AMPD1: variants seen among roughly 807,000 people sequenced by gnomAD.
AMPD1 encodes AMP deaminase 1.
Under a neutral mutation model 82.9 loss-of-function variants are expected in AMPD1, and 74 were observed. The observed-to-expected ratio is 0.89, with a 90% CI of 0.74 to 1.08. AMPD1 has a LOEUF of 1.08. Ranked by LOEUF, AMPD1 falls within the 50% of genes least tolerant of loss-of-function variation. The pLI is 0.00. For missense variants in AMPD1, 881 were observed against 924.5 expected, an observed-to-expected ratio of 0.95 and a Z score of 0.61; for synonymous variants, 333 against 320.5, an observed-to-expected ratio of 1.04 and a Z score of -0.42.
At chr1:114,678,275 G>GA in intron 8 of AMPD1, 58 bp downstream of exon 8, 2 of 1,585,612 alleles carry the variant, frequency 1.3e-6, no homozygotes, top group Non-Finnish European at 1.7e-6. Context: ...GCTTGTAGGA[G>GA]AAAGACATGT....
chr1:114,674,065 G>C lies in AMPD1; in HGVS notation c.1818C>G (p.Tyr606Ter), dbSNP rs1212118667. Residue 606 changes from tyrosine to a stop codon, truncating the protein, a stop_gained, in exon 14 of 16, where the codon TAC becomes TAG. Transcript: ENST00000520113. LOFTEE classifies it high-confidence loss of function. Reference sequence around the variant, plus strand: ...TGGGAATTTGGGCTAAGAAAAACAAGTACTGTAGCACGGGACTCTGAAAAA... The same window carrying C: ...TGGGAATTTGGGCTAAGAAAAACAACTACTGTAGCACGGGACTCTGAAAAA... ...LNLKKSPVLQ[Y>*]LFFLAQIPIA... 1 of 1,613,680 alleles carries C rather than the reference G, an allele frequency of 6.2e-7. No homozygotes were observed. Among genetic ancestry groups the C allele is most frequent in the African/African-American group, 1.3e-5 (1 of 74,894 alleles).
chr1:114,684,270 G>A lies in AMPD1; in HGVS notation c.476C>T (p.Pro159Leu). ...CCGCAAGTATTTGGAAGGGGTTTTA[G>A]GGAACCTCTGAAACGACTTCTGCAT... Reference protein sequence around the residue: ...KYMQKSFQRFPKTPSKYLRNI... With the variant: ...KYMQKSFQRFLKTPSKYLRNI... Residue 159 changes from proline (P) to leucine (L), a missense_variant, in exon 5 of 16, where the codon CCT (proline) becomes CTT (leucine). Pro to Leu is a moderately conservative substitution (Grantham distance 98). This residue lies in a region of AMPD1 where 783 missense variants were observed against 786.4 expected (regional missense o/e 1.00). Coordinates refer to ENST00000520113, the MANE Select transcript of AMPD1 (RefSeq NM_000036.3). The A allele has an allele frequency of 1.2e-6, 2 of 1,614,100 alleles. No individual in the cohort carries two copies. Among genetic ancestry groups the A allele is most frequent in the Non-Finnish European group, 8.5e-7 (1 of 1,180,028 alleles).
At chr1:114,673,352 T>C in intron 15 of AMPD1, 80 bp from the exon 16 acceptor site, 1 of 1,537,394 alleles carries the variant, frequency 6.5e-7, no homozygotes, top group Non-Finnish European at 9.0e-7. Context: ...TTTACAAAAA[T>C]TCCTTCCTTA....
chr1:114,678,208 G>T, intron 8 of AMPD1, 125 bp downstream of exon 8: 1 of 1,454,750 alleles, frequency 6.9e-7, no homozygotes, highest in Non-Finnish European at 9.6e-7. Context: ...AATTGTCTGT[G>T]GTGCTTTCAG....
At chr1:114,673,784 G>A in intron 14 of AMPD1, 35 bp from the exon 15 acceptor site, 1 of 1,578,302 alleles carries the variant, frequency 6.3e-7, no homozygotes, top group Non-Finnish European at 8.7e-7. Context: ...AAAGAGGAGT[G>A]AATTAATAAA....
intron 2 of AMPD1, among the ~76,000 whole-genome samples, chr1:114,691,482 C>T (rs541759929): frequency 2.0e-5 from 3 of 151,832 alleles, no homozygotes; most frequent in African/African-American, 4.8e-5. Context: ...GTGGGAGGAT[C>T]GTTTGAGCCC....
At chr1:114,688,306 T>A (rs1000669363) in intron 3 of AMPD1, among the ~76,000 whole-genome samples, 1 of 152,146 alleles carries the variant, frequency 6.6e-6, no homozygotes, top group East Asian at 1.9e-4. Flanking sequence ...TTTTGTATTT[T>A]TAGTAGAGAC....
At chr1:114,688,873 A>T in intron 2 of AMPD1, 132 bp from the exon 3 acceptor site, 1 of 997,294 alleles carries the variant, frequency 1.0e-6, no homozygotes, top group East Asian at 2.4e-5. Flanking sequence ...CCAGGGTCCA[A>T]CACAGAGCTC....
rs1160970461 is a variant in AMPD1, at chr1:114,675,593, G to C, written c.1616C>G (p.Pro539Arg). Residue 539 changes from proline (P) to arginine (R), a missense_variant, in exon 12 of 16, where the codon CCA becomes CGA. By Grantham distance (103) the Pro-to-Arg change is moderately radical. Transcript: ENST00000520113. ...GTAGTAGGCATAGTAAGTGTAAGAT[G>C]GATTCTTTTCCAATGTCCACTCCTG... Reference protein sequence around the residue: ...KPQEWTLEKNPSYTYYAYYMY... With the variant: ...KPQEWTLEKNRSYTYYAYYMY... 1 of 1,614,070 alleles carries C rather than the reference G, an allele frequency of 6.2e-7. No individual in the cohort carries two copies. The highest frequency in any genetic ancestry group is 1.3e-5 in the African/African-American group (1 of 74,924).
chr1:114,674,778 TATC>T lies in AMPD1; in HGVS notation c.1771_1773del (p.Asp591del). 1 of 1,613,356 alleles carries T rather than the reference TATC, an allele frequency of 6.2e-7. No homozygotes were observed. The highest frequency in any genetic ancestry group is 2.2e-5 in the East Asian group (1 of 44,886). ...TTTTTTAAATTTAGGCCATGAGAGA[TATC>T]ATCTGCTATCATGAATGCTGTCATG... On this transcript the variant is annotated inframe_deletion, in exon 13 of 16. Transcript: ENST00000520113.
Position 114,693,446 on chromosome 1 carries a change from A to T in AMPD1, c.24T>A (p.Ala8=). 1 of 1,609,148 alleles carries T rather than the reference A, an allele frequency of 6.2e-7. No homozygotes were observed. Among genetic ancestry groups the T allele is most frequent in the Non-Finnish European group, 8.5e-7 (1 of 1,175,838 alleles). Residue 8 remains alanine, a splice_region_variant and synonymous_variant, in exon 2 of 16, where the codon GCT becomes GCA. Transcript: ENST00000520113. MPLFKLP[A]EEKQIDDAMR... ...TAATGCAATACTCACGTTTCTCTTC[A>T]GCTGTATGAAGTAAAATAAAACAAG... is the stretch of plus-strand genomic sequence containing the variant.
At chr1:114,680,195 T>G in intron 6 of AMPD1, 64 bp downstream of exon 6, 1 of 1,343,606 alleles carries the variant, frequency 7.4e-7, no homozygotes, top group Non-Finnish European at 1.1e-6. Flanking sequence ...GTAGAAGTAG[T>G]ACTAGTTGTT....
intron 5 of AMPD1, among the ~76,000 whole-genome samples, chr1:114,681,069 A>T (rs1658144423): frequency 6.6e-6 from 1 of 152,256 alleles, no homozygotes; most frequent in Non-Finnish European, 1.5e-5. Context: ...ACTACTTACA[A>T]ACAATCTTCA....
In AMPD1 at chr1:114,688,742, C is replaced by A; in HGVS notation, c.35-1G>T. The A allele has an allele frequency of 6.2e-7, 1 of 1,614,232 alleles. No individual in the cohort carries two copies. The highest frequency in any genetic ancestry group is 1.1e-5 in the South Asian group (1 of 91,090). Reference sequence around the variant, plus strand: ...AAGTTGCGCATTGCATCATCAATTTCTAAAAGAGGTTTTCACATATTAGTG... The same window carrying A: ...AAGTTGCGCATTGCATCATCAATTTATAAAAGAGGTTTTCACATATTAGTG... On this transcript the variant is annotated splice_acceptor_variant, in intron 2 of 15. Coordinates refer to ENST00000520113, the MANE Select transcript of AMPD1 (RefSeq NM_000036.3). LOFTEE classifies it high-confidence loss of function.
At position 114,682,642 on chromosome 1, in the gene AMPD1, G is replaced by C. The variant is rs533427591; in HGVS notation, c.547+1557C>G. Among the ~76,000 whole-genome samples the C allele has an allele frequency of 3.5e-3, 530 of 150,952 alleles. 2 individuals carry two copies. The highest frequency in any genetic ancestry group is 5.7e-3 in the Non-Finnish European group (387 of 67,820). Reference sequence around the variant, plus strand: ...CGCCCAGGCTGGAGTGCAGTGGCGCGATCTCAGCTCACTGCAAGCTCCGCC... The same window carrying C: ...CGCCCAGGCTGGAGTGCAGTGGCGCCATCTCAGCTCACTGCAAGCTCCGCC... On this transcript the variant is annotated intron_variant, in intron 5 of 15. Coordinates refer to ENST00000520113, the MANE Select transcript of AMPD1 (RefSeq NM_000036.3).
At chr1:114,682,655 T>C (rs999724811) in intron 5 of AMPD1, among the ~76,000 whole-genome samples, 6 of 151,702 alleles carry the variant, frequency 4.0e-5, no homozygotes, top group Non-Finnish European at 5.9e-5. Flanking sequence ...CTCAGCTCAC[T>C]GCAAGCTCCG....
At chr1:114,681,441 G>T (rs943256662) in intron 5 of AMPD1, among the ~76,000 whole-genome samples, 3 of 151,618 alleles carry the variant, frequency 2.0e-5, no homozygotes, top group African/African-American at 7.3e-5. Context: ...CTAAAAATAC[G>T]AAAATTAGTT....
At chr1:114,682,996 A>T in intron 5 of AMPD1, 1 of 281,050 alleles carries the variant, frequency 3.6e-6, no homozygotes. Context: ...CTTTTTTAGA[A>T]ACAAGTTTTA....
chr1:114,682,396 G>C (rs976293282), intron 5 of AMPD1, among the ~76,000 whole-genome samples: 1 of 152,096 alleles, frequency 6.6e-6, no homozygotes. Flanking sequence ...TTATTGAAGC[G>C]TAACTTAGGA....
Sources: allele counts gnomAD v4.1 joint callset (sites outside exome capture counted in the v4.1 genomes callset), GRCh38; gene constraint gnomAD v4.1.1; regional missense constraint gnomAD v4.1.1; transcripts MANE v1.5; gene names NCBI Gene and HGNC (gene_info 2026-07-23, HGNC 2026-07-21).